The following SH3BP1 variants were observed in gnomAD, a reference collection of about 807,000 sequenced individuals.
SH3BP1 encodes the protein SH3 domain-binding protein 1.
In SH3BP1, 46 loss-of-function variants were observed where a neutral mutation model predicts 69.8. The ratio of observed to expected loss-of-function variants is 0.66; its 90% CI spans 0.52 to 0.84. The LOEUF is 0.84. SH3BP1 is among the 40% of genes least tolerant of loss of function. The pLI is 0.00. For synonymous variants in SH3BP1, 403 were observed against 378.0 expected, an observed-to-expected ratio of 1.07 and a Z score of -0.77; for missense variants, 868 against 930.9, an observed-to-expected ratio of 0.93 and a Z score of 0.88.
At chr22:37,647,188 G>T in intron 11 of SH3BP1, 79 bp from the exon 12 acceptor site, 1 of 1,276,418 alleles carries the variant, frequency 7.8e-7, no homozygotes, top group Non-Finnish European at 1.1e-6. Flanking sequence ...GTGTGAACAA[G>T]GGCCGGAGGT....
chr22:37,652,145 C>T (rs1932892418), intron 16 of SH3BP1, among the ~76,000 whole-genome samples: 3 of 151,726 alleles, frequency 2.0e-5, no homozygotes, highest in Middle Eastern at 3.2e-3. Context: ...CCCGTCTCTA[C>T]TAAAAATACA....
chr22:37,653,890 A>C lies in SH3BP1; in HGVS notation c.1693+17A>C. ...CTCGGAGGAGTGAGTTGGCTGTGGG[A>C]GGGGAGGAGGGGACAGAGGGTGGGC... On this transcript the variant is annotated intron_variant, in intron 17 of 17. Transcript: ENST00000649765. 1.7e-6 allele frequency: 1 copy of C among 597,802 alleles called. No individual in the cohort carries two copies. Among genetic ancestry groups the C allele is most frequent in the Non-Finnish European group, 2.9e-6 (1 of 349,992 alleles). The allele number at this position is 597,802 out of a possible 1,614,324, so 37.0% of individuals were successfully genotyped here.
intron 3 of SH3BP1, chr22:37,642,196 A>G: frequency 3.0e-6 from 1 of 333,664 alleles, no homozygotes; most frequent in Non-Finnish European, 5.8e-6. Context: ...GGGACAGGGG[A>G]AAGAGCTCCC....
rs750614692 is a variant in SH3BP1, at chr22:37,655,414, C to T, written c.1836C>T (p.Ser612=). 2.5e-4 allele frequency: 364 copies of T among 1,446,676 alleles called. No homozygotes were observed. The highest frequency in any genetic ancestry group is 3.2e-4 in the Non-Finnish European group (351 of 1,082,456). 89.6% of individuals were successfully genotyped at this position (1,446,676 alleles called of 1,614,324 possible). ...CCCTGCCCCGACGTCTGGTTGGCAGCAGCCTCCGAGCCCCCACAGTGCCAC... is the reference window on the plus strand; with the variant it reads ...CCCTGCCCCGACGTCTGGTTGGCAGTAGCCTCCGAGCCCCCACAGTGCCAC... The part of the protein sequence containing the change: ...PQALPRRLVG[S]SLRAPTVPPP... The change falls in exon 18 of 18, where the codon AGC becomes AGT. Residue 612 remains serine, a synonymous_variant. Coordinates refer to ENST00000649765, the MANE Select transcript of SH3BP1 (RefSeq NM_018957.6).
chr22:37,641,230 G>A, intron 2 of SH3BP1, 62 bp downstream of exon 2: 2 of 1,534,310 alleles, frequency 1.3e-6, no homozygotes. Flanking sequence ...GGAGCAGAGG[G>A]CCGGGGCGGG....
At chr22:37,647,955 C>T (rs111230248) in intron 13 of SH3BP1, among the ~76,000 whole-genome samples, 6 of 152,186 alleles carry the variant, frequency 3.9e-5, no homozygotes, top group East Asian at 1.9e-4. Flanking sequence ...GGATTACAGG[C>T]GTGAGGCACT....
chr22:37,645,960 CTT>C (rs11329854), intron 10 of SH3BP1, among the ~76,000 whole-genome samples: 264 of 126,242 alleles, frequency 2.1e-3, no homozygotes, highest in East Asian at 0.018. Flanking sequence ...CTCCCTTACA[CTT>C]TTTTTTTTTT....
Position 37,655,339 on chromosome 22 carries a change from T to G in SH3BP1, c.1761T>G (p.Pro587=), listed in dbSNP as rs765824494. Residue 587 remains proline, a synonymous_variant, in exon 18 of 18, where the codon CCT becomes CCG. Transcript: ENST00000649765. ...PPQVSGSRSS[P]PAPPLPPGSG... ...AGGTCTCCGGCTCCCGCTCCTCCCC[T>G]CCAGCCCCGCCCTTGCCCCCTGGCT... is the stretch of plus-strand genomic sequence containing the variant. 19 of 983,092 alleles carry G rather than the reference T, an allele frequency of 1.9e-5. No individual in the cohort carries two copies. Among genetic ancestry groups the G allele is most frequent in the Non-Finnish European group, 2.3e-5 (19 of 813,492 alleles). 60.9% of individuals were successfully genotyped at this position (983,092 alleles called of 1,614,324 possible). A position where few individuals can be genotyped will look rare whatever the true frequency, so the allele number is the denominator to read the frequency against.
In SH3BP1 at chr22:37,643,145, C is replaced by T. The variant is rs1375410252; in HGVS notation, c.444C>T (p.Leu148=). The T allele has an allele frequency of 3.1e-6, 5 of 1,609,044 alleles. No homozygotes were observed. The South Asian group carries it at 4.4e-5, about 14-fold the overall frequency. ...ILKHKKSLQK[L]VSDWNTLKSR... is the part of the protein sequence containing the mutation. Reference sequence around the variant, plus strand: ...AACACAAGAAAAGCCTCCAGAAGCTCGTGTCCGACTGGAACACACTCAAGA... The same window carrying T: ...AACACAAGAAAAGCCTCCAGAAGCTTGTGTCCGACTGGAACACACTCAAGA... The change falls in exon 6 of 18, where the codon CTC becomes CTT. Residue 148 remains leucine (L), a synonymous_variant. Transcript: ENST00000649765.
chr22:37,655,147 G>A (rs1408429211), intron 17 of SH3BP1, 125 bp from the exon 18 acceptor site: 15 of 691,870 alleles, frequency 2.2e-5, no homozygotes, highest in South Asian at 4.0e-5. Flanking sequence ...GGAGCCAGCC[G>A]CAGAAACGGT....
intron 2 of SH3BP1, 93 bp downstream of exon 2, chr22:37,641,261 G>C: frequency 6.6e-7 from 1 of 1,511,572 alleles, no homozygotes; most frequent in Non-Finnish European, 9.0e-7. Context: ...AGGGGCCTGG[G>C]TTGAGTCATT....
chr22:37,655,061 G>T (rs777445580), intron 17 of SH3BP1, among the ~76,000 whole-genome samples: 2 of 152,206 alleles, frequency 1.3e-5, no homozygotes, highest in Non-Finnish European at 2.9e-5. Context: ...GTGGGGCATG[G>T]GGTGGGACTC....
rs1932806546 is a variant in SH3BP1, at chr22:37,647,537, C to T, written c.1199+16C>T. 1.9e-6 allele frequency: 3 copies of T among 1,579,910 alleles called. No homozygotes were observed. The highest frequency in any genetic ancestry group is 1.4e-5 in the African/African-American group (1 of 73,984). On this transcript the variant is annotated intron_variant, in intron 13 of 17. Transcript: ENST00000649765. ...GCAACCTCAGGTGAGCCCGAGCCCGCCTCCCCAGCCTGCCGCAGAGCCAGA... is the reference window on the plus strand; with the variant it reads ...GCAACCTCAGGTGAGCCCGAGCCCGTCTCCCCAGCCTGCCGCAGAGCCAGA...
chr22:37,655,741 C>T lies in SH3BP1; in HGVS notation c.*57C>T, dbSNP rs1933019226. 1.4e-6 allele frequency: 2 copies of T among 1,449,704 alleles called. No homozygotes were observed. The highest frequency in any genetic ancestry group is 2.9e-5 in the African/African-American group (2 of 69,868). 89.8% of individuals were successfully genotyped at this position (1,449,704 alleles called of 1,614,324 possible). Reference sequence around the variant, plus strand: ...ACCCCCTCCCTCCCCACCTGGCCCTCCCAGGACAGCTCTCGCCCCCCACAA... The same window carrying T: ...ACCCCCTCCCTCCCCACCTGGCCCTTCCAGGACAGCTCTCGCCCCCCACAA... On this transcript the variant is annotated 3_prime_UTR_variant, in exon 18 of 18. Coordinates refer to ENST00000649765, the MANE Select transcript of SH3BP1 (RefSeq NM_018957.6).
intron 10 of SH3BP1, 39 bp from the exon 11 acceptor site, chr22:37,646,779 A>C: frequency 1.5e-6 from 2 of 1,333,682 alleles, no homozygotes; most frequent in Non-Finnish European, 2.0e-6. Context: ...TGCCCTGCCC[A>C]CCCCTCTGTG....
Position 37,643,358 on chromosome 22 carries a change from G to A in SH3BP1, c.473+184G>A, listed in dbSNP as rs114858226. 4,152 of 668,130 alleles carry A rather than the reference G, an allele frequency of 6.2e-3. 138 individuals are homozygous for A. The African/African-American group carries it at 0.068, about 11-fold the overall frequency. 41.4% of individuals were successfully genotyped at this position (668,130 alleles called of 1,614,324 possible). A position where few individuals can be genotyped will look rare whatever the true frequency, so the allele number is the denominator to read the frequency against. ...AGCGTATCTGTGAGGGTGTGCCCGC[G>A]TGTGTCACAGCTGGTGCTGGGGCAA... On this transcript the variant is annotated intron_variant, in intron 6 of 17. Coordinates refer to ENST00000649765, the MANE Select transcript of SH3BP1 (RefSeq NM_018957.6).
Position 37,639,836 on chromosome 22 carries a change from A to G in SH3BP1, c.49A>G (p.Ser17Gly), listed in dbSNP as rs1932514901. The G allele has an allele frequency of 2.6e-6, 4 of 1,561,270 alleles. No homozygotes were observed. Among genetic ancestry groups the G allele is most frequent in the Non-Finnish European group, 3.5e-6 (4 of 1,154,716 alleles). ...HRMRQLAQTG[S>G]LGRTPETAEF... ...CATGCGGCAGCTGGCCCAGACGGGC[A>G]GCTTGGGACGGTGAGTGTCACCCGC... Residue 17 changes from serine (S) to glycine (G), a missense_variant, in exon 1 of 18, where the codon AGC (serine) becomes GGC (glycine). Physicochemically the swap from Ser to Gly is moderately conservative, Grantham distance 56. Transcript: ENST00000649765.
intron 16 of SH3BP1, 27 bp from the exon 17 acceptor site, chr22:37,653,752 T>A (rs369420963): frequency 1.1e-5 from 17 of 1,545,222 alleles, no homozygotes; most frequent in Non-Finnish European, 1.5e-5. Context: ...TGGCTAAGTC[T>A]GCCCCATCCT....
In SH3BP1 at chr22:37,650,153, G is replaced by A. The variant is rs773018826; in HGVS notation, c.1318G>A (p.Asp440Asn). ...AGCAGATGCATCTCTTTGTCCCAGG[G>A]ACCAGGCCCAGCTGGATGCAGCCTC... ...NLLWPPEKEG[D>N]QAQLDAASVS... The change falls in exon 15 of 18, where the codon GAC becomes AAC. Residue 440 changes from aspartate to asparagine, a missense_variant and splice_region_variant. This residue lies in a region of SH3BP1 where 474 missense variants were observed against 462.3 expected (regional missense o/e 1.03). Transcript: ENST00000649765. 2 of 1,614,106 alleles carry A rather than the reference G, an allele frequency of 1.2e-6. No individual in the cohort carries two copies. Among genetic ancestry groups the A allele is most frequent in the Non-Finnish European group, 1.7e-6 (2 of 1,180,028 alleles).
Sources: allele counts gnomAD v4.1 joint callset (sites outside exome capture counted in the v4.1 genomes callset), GRCh38; gene constraint gnomAD v4.1.1; regional missense constraint gnomAD v4.1.1; transcripts MANE v1.5; gene names NCBI Gene and HGNC (gene_info 2026-07-23, HGNC 2026-07-21).